Variants in ZRANB3 observed in about 807,000 individuals in gnomAD.
ZRANB3 encodes the protein zinc finger RANBP2-type containing 3.
In ZRANB3, 125 loss-of-function variants were observed where a neutral mutation model predicts 133.8. The observed-to-expected ratio is 0.93, with a 90% CI of 0.81 to 1.08. The LOEUF (loss-of-function observed/expected upper bound fraction) is 1.08. Among genes scored for constraint, ZRANB3 ranks in the 50% least tolerant of loss-of-function variants. The pLI is 0.00. For synonymous variants in ZRANB3, 387 were observed against 432.7 expected (o/e 0.89, Z 1.31); for missense variants, 1,229 against 1,275.5 (o/e 0.96, Z 0.56).
chr2:135,360,313 G>A (rs111666503), intron 3 of ZRANB3, among the ~76,000 whole-genome samples: 6,692 of 152,034 alleles, frequency 0.044, 487 homozygotes, highest in African/African-American at 0.15. Flanking sequence ...CAGGGGAGGC[G>A]GAGGTTGCAG....
intron 1 of ZRANB3, chr2:135,511,234 C>A (rs1444714052): frequency 3.0e-6 from 3 of 988,050 alleles, no homozygotes; most frequent in Non-Finnish European, 4.9e-6. Context: ...TGAGATATGT[C>A]TGCAGGTGCT....
intron 2 of ZRANB3, among the ~76,000 whole-genome samples, chr2:135,413,697 T>C (rs534091948): frequency 6.6e-6 from 1 of 152,224 alleles, no homozygotes; most frequent in East Asian, 1.9e-4. Flanking sequence ...ACAGACTAAT[T>C]TGATACGCAA....
chr2:135,260,028 G>A (rs1381281966), intron 12 of ZRANB3, among the ~76,000 whole-genome samples: 2 of 152,192 alleles, frequency 1.3e-5, no homozygotes, highest in East Asian at 1.9e-4. Flanking sequence ...CTTGTTAGAT[G>A]AAGGCAGCAA....
intron 2 of ZRANB3, among the ~76,000 whole-genome samples, chr2:135,399,107 T>C (rs1201184989): frequency 6.6e-6 from 1 of 152,184 alleles, no homozygotes; most frequent in Non-Finnish European, 1.5e-5. Context: ...TTCATTGATT[T>C]ACTTGAACGG....
At chr2:135,280,132 G>A (rs7594108) in intron 8 of ZRANB3, among the ~76,000 whole-genome samples, 4,872 of 152,164 alleles carry the variant, frequency 0.032, 253 homozygotes, top group African/African-American at 0.11. Context: ...TGGTAGTGTC[G>A]GTTCAGGTTT....
chr2:135,225,755 C>G (rs911519621), intron 14 of ZRANB3, among the ~76,000 whole-genome samples: 1 of 152,004 alleles, frequency 6.6e-6, no homozygotes, highest in Non-Finnish European at 1.5e-5. Flanking sequence ...TGGATACAGA[C>G]CAGGAAAGCA....
rs543850366 is a variant in ZRANB3 at position 135,515,384 on chromosome 2, G to A, written c.-7-10888C>T. ...AATTTGTTTGTGATATTAGGGTGTC[G>A]ATTTTAGATCTTTCCTGCTTTCTCC... On this transcript the variant is annotated intron_variant, in intron 1 of 20. Coordinates refer to ENST00000264159, the MANE Select transcript of ZRANB3 (RefSeq NM_032143.4). 1.6e-3 allele frequency among the ~76,000 whole-genome samples: 244 copies of A among 152,010 alleles called. 1 individual carries two copies. Among genetic ancestry groups the A allele is most frequent in the Middle Eastern group, 6.8e-3 (2 of 294 alleles).
At chr2:135,425,775 C>A (rs1166029913) in intron 2 of ZRANB3, among the ~76,000 whole-genome samples, 2 of 151,114 alleles carry the variant, frequency 1.3e-5, no homozygotes, top group East Asian at 1.9e-4. Context: ...AACATCACAC[C>A]AAGAGGAAAT....
Position 135,504,342 on chromosome 2 carries a change from T to C in ZRANB3, c.148A>G (p.Lys50Glu), listed in dbSNP as rs1314007242. Residue 50 changes from lysine to glutamate, a missense_variant, in exon 2 of 21, where the codon AAA becomes GAA. Coordinates refer to ENST00000264159, the MANE Select transcript of ZRANB3 (RefSeq NM_032143.4). ...AAAGAACTTTACCTGCCATTTCTTT[T>C]GAGGGCAAAAATGATGCCATCTTTC... is the stretch of plus-strand genomic sequence containing the variant. ...FQKDGIIFALKRNGRCMVADE... is the reference protein window; with the variant it reads ...FQKDGIIFALERNGRCMVADE... 1.2e-6 allele frequency: 2 copies of C among 1,613,444 alleles called. No individual in the cohort carries two copies. The highest frequency in any genetic ancestry group is 1.3e-5 in the African/African-American group (1 of 75,028).
chr2:135,473,835 A>G (rs1691384625), intron 2 of ZRANB3, among the ~76,000 whole-genome samples: 1 of 152,166 alleles, frequency 6.6e-6, no homozygotes, highest in South Asian at 2.1e-4. Context: ...CCTACCCAAT[A>G]TAAAAATATC....
intron 3 of ZRANB3, among the ~76,000 whole-genome samples, chr2:135,362,577 T>C (rs140260878): frequency 3.9e-5 from 6 of 152,308 alleles, no homozygotes; most frequent in African/African-American, 1.4e-4. Flanking sequence ...GAGATGCCCA[T>C]ATTGGGACTA....
In ZRANB3 at chr2:135,345,712, C is replaced by T. The variant is rs1437113896; in HGVS notation, c.592-77G>A. On this transcript the variant is annotated intron_variant, in intron 5 of 20. Coordinates refer to ENST00000264159, the MANE Select transcript of ZRANB3 (RefSeq NM_032143.4). ...TTATTACAATGATAAAACCATTTAACAAAATAGTAGGAAGTATAAAAGAAA... is the reference window on the plus strand; with the variant it reads ...TTATTACAATGATAAAACCATTTAATAAAATAGTAGGAAGTATAAAAGAAA... The T allele has an allele frequency of 1.4e-5, 15 of 1,041,876 alleles. No homozygotes were observed. In the Admixed American group the frequency reaches 3.7e-4, roughly 26 times the overall value. The allele number at this position is 1,041,876 out of a possible 1,614,324, so 64.5% of individuals were successfully genotyped here.
At chr2:135,497,392 G>A (rs1174830724) in intron 2 of ZRANB3, among the ~76,000 whole-genome samples, 1 of 152,182 alleles carries the variant, frequency 6.6e-6, no homozygotes, top group African/African-American at 2.4e-5. Flanking sequence ...CACAAAGATG[G>A]CAAACAGAGA....
chr2:135,526,388 T>G (rs1448804605), intron 1 of ZRANB3, among the ~76,000 whole-genome samples: 1 of 152,112 alleles, frequency 6.6e-6, no homozygotes, highest in Non-Finnish European at 1.5e-5. Flanking sequence ...GGTCTTGAAC[T>G]CCTGACCTCA....
intron 12 of ZRANB3, among the ~76,000 whole-genome samples, chr2:135,264,740 A>ATTTT (rs869159841): frequency 8.0e-6 from 1 of 125,708 alleles, no homozygotes; most frequent in African/African-American, 2.9e-5. Flanking sequence ...TTCTTTGCCT[A>ATTTT]TTTTTTTTTT....
intron 2 of ZRANB3, among the ~76,000 whole-genome samples, chr2:135,440,378 G>A (rs1259258370): frequency 3.3e-5 from 5 of 151,688 alleles, no homozygotes; most frequent in African/African-American, 7.3e-5. Flanking sequence ...CAGCCTGGGC[G>A]ACAGAGCAAG....
At chr2:135,320,720 T>C (rs1683483328) in intron 6 of ZRANB3, among the ~76,000 whole-genome samples, 1 of 152,220 alleles carries the variant, frequency 6.6e-6, no homozygotes, top group African/African-American at 2.4e-5. Flanking sequence ...CACATACACA[T>C]GCAGAGTTAA....
intron 3 of ZRANB3, among the ~76,000 whole-genome samples, chr2:135,381,168 T>C (rs1205296618): frequency 6.6e-6 from 1 of 152,200 alleles, no homozygotes; most frequent in Non-Finnish European, 1.5e-5. Flanking sequence ...TGTGCTTTTC[T>C]GACCGTCATA....
chr2:135,494,958 T>C (rs919894072), intron 2 of ZRANB3, among the ~76,000 whole-genome samples: 1 of 152,194 alleles, frequency 6.6e-6, no homozygotes, highest in Non-Finnish European at 1.5e-5. Flanking sequence ...ATTCCAGCCA[T>C]GTGCAATGGC....
Sources: allele counts gnomAD v4.1 joint callset (sites outside exome capture counted in the v4.1 genomes callset), GRCh38; gene constraint gnomAD v4.1.1; transcripts MANE v1.5; gene names NCBI Gene and HGNC (gene_info 2026-07-23, HGNC 2026-07-21).